Variants in SLC24A2 observed in about 807,000 individuals in gnomAD.
The protein encoded by SLC24A2 is solute carrier family 24 member 2, also known as sodium/potassium/calcium exchanger 2.
Under a neutral mutation model 62.0 loss-of-function variants are expected in SLC24A2, and 36 were observed. The observed-to-expected ratio is 0.58, with a 90% CI of 0.44 to 0.77. The LOEUF (loss-of-function observed/expected upper bound fraction) is 0.77, where lower values mean the gene tolerates loss of function less well. SLC24A2 is among the 30% of genes least tolerant of loss of function. The pLI is 0.00. For missense variants in SLC24A2, 846 were observed against 817.9 expected (o/e 1.03, Z -0.42); for synonymous variants, 358 against 294.0 (o/e 1.22, Z -2.23).
the SLC24A2 span, among the ~76,000 whole-genome samples, chr9:19,979,084 C>T: frequency 0.014 from 2,081 of 152,272 alleles, 54 homozygotes; most frequent in African/African-American, 0.048. Context: ...AATAAAATAA[C>T]GAGCCCAGTG....
At chr9:20,061,635 G>A in the SLC24A2 span, among the ~76,000 whole-genome samples, 3 of 152,152 alleles carry the variant, frequency 2.0e-5, no homozygotes, top group Admixed American at 6.5e-5. Context: ...ATGAGGAAAG[G>A]ATAGTCTTTT....
chr9:20,055,183 T>C, the SLC24A2 span, among the ~76,000 whole-genome samples: 1 of 152,234 alleles, frequency 6.6e-6, no homozygotes, highest in African/African-American at 2.4e-5. Flanking sequence ...ACTTTTACCA[T>C]CCCAGAATGA....
chr9:19,744,390 G>T (rs573571624), intron 2 of SLC24A2, among the ~76,000 whole-genome samples: 8 of 152,194 alleles, frequency 5.3e-5, no homozygotes, highest in African/African-American at 1.9e-4. Flanking sequence ...CAACACTCCA[G>T]CATCTTCAGT....
intron 5 of SLC24A2, among the ~76,000 whole-genome samples, chr9:19,578,618 T>C (rs933625937): frequency 6.6e-6 from 1 of 152,098 alleles, no homozygotes; most frequent in Non-Finnish European, 1.5e-5. Context: ...TTCTACTTTT[T>C]TATTTAGAAC....
chr9:20,239,661 G>A, the SLC24A2 span, among the ~76,000 whole-genome samples: 1 of 152,158 alleles, frequency 6.6e-6, no homozygotes. Context: ...AGAGACCCAG[G>A]ATCCATCATA....
the SLC24A2 span, among the ~76,000 whole-genome samples, chr9:20,242,183 C>A: frequency 6.6e-6 from 1 of 152,176 alleles, no homozygotes; most frequent in Non-Finnish European, 1.5e-5. Flanking sequence ...TTGACTAAAA[C>A]ACTCCTTTGC....
At chr9:19,876,799 C>G in the SLC24A2 span, among the ~76,000 whole-genome samples, 3 of 152,078 alleles carry the variant, frequency 2.0e-5, no homozygotes, top group South Asian at 6.3e-4. Context: ...ACAAGGGTTG[C>G]TAGAAGATTT....
At chr9:19,715,311 G>A (rs1160561354) in intron 2 of SLC24A2, among the ~76,000 whole-genome samples, 2 of 152,082 alleles carry the variant, frequency 1.3e-5, no homozygotes, top group Non-Finnish European at 2.9e-5. Context: ...TTGATACACT[G>A]ACAGGCAGAA....
chr9:20,261,985 G>C, the SLC24A2 span, among the ~76,000 whole-genome samples: 1 of 152,124 alleles, frequency 6.6e-6, no homozygotes, highest in Non-Finnish European at 1.5e-5. Flanking sequence ...TGATCCGCCT[G>C]CCTCGGCCTC....
chr9:19,519,713 T>C, intron 10 of SLC24A2, among the ~76,000 whole-genome samples: 1 of 152,152 alleles, frequency 6.6e-6, no homozygotes. Context: ...AGACAGTTTT[T>C]AGGGGCAAGA....
At position 19,550,215 on chromosome 9, in the gene SLC24A2, G is replaced by T. The variant is rs138143739; in HGVS notation, c.1401C>A (p.Thr467=). The T allele has an allele frequency of 6.1e-5, 98 of 1,614,124 alleles. No individual in the cohort carries two copies. In the African/African-American group the frequency reaches 1.1e-3, roughly 18 times the overall value. ...QPLSLAWPSE[T]RKQVTFLIVF... The stretch of plus-strand genomic sequence containing the variant: ...CAATCAGAAACGTGACTTGCTTGCG[G>T]GTTTCAGAAGGCCAGGCAAGGCTGA... Residue 467 remains threonine (T), a synonymous_variant, in exon 8 of 11, where the codon ACC becomes ACA. Transcript: ENST00000341998.
At chr9:19,953,184 G>T in the SLC24A2 span, among the ~76,000 whole-genome samples, 3 of 151,860 alleles carry the variant, frequency 2.0e-5, no homozygotes, top group Non-Finnish European at 4.4e-5. Context: ...GACTATAAGC[G>T]TAACGATTTC....
the SLC24A2 span, among the ~76,000 whole-genome samples, chr9:20,077,097 G>T: frequency 2.0e-5 from 3 of 151,770 alleles, no homozygotes; most frequent in South Asian, 6.2e-4. Context: ...TTAAAAAAAG[G>T]TTCAAATAGA....
chr9:20,168,468 T>G, the SLC24A2 span, among the ~76,000 whole-genome samples: 1 of 151,942 alleles, frequency 6.6e-6, no homozygotes, highest in South Asian at 2.1e-4. Context: ...TATCTGCTAA[T>G]TAATATCTAG....
chr9:20,152,027 C>T, the SLC24A2 span, among the ~76,000 whole-genome samples: 1 of 151,968 alleles, frequency 6.6e-6, no homozygotes, highest in Non-Finnish European at 1.5e-5. Context: ...TGTTATTCTT[C>T]ACCATCTCCC....
intron 2 of SLC24A2, among the ~76,000 whole-genome samples, chr9:19,714,158 C>G (rs1390381859): frequency 6.6e-6 from 1 of 152,216 alleles, no homozygotes; most frequent in East Asian, 1.9e-4. Context: ...ACACTGCTAT[C>G]CTTTTTAATA....
chr9:19,621,362 T>C (rs183778800), intron 3 of SLC24A2, among the ~76,000 whole-genome samples: 42 of 152,306 alleles, frequency 2.8e-4, no homozygotes, highest in African/African-American at 9.6e-4. Flanking sequence ...GGATCAGGTG[T>C]ATTCTATGGG....
At chr9:20,299,017 T>C in the SLC24A2 span, among the ~76,000 whole-genome samples, 70 of 152,216 alleles carry the variant, frequency 4.6e-4, no homozygotes, top group African/African-American at 1.7e-3. Flanking sequence ...GGTCGGGATG[T>C]ATATACAACA....
chr9:19,709,218 C>G (rs991742987), intron 2 of SLC24A2, among the ~76,000 whole-genome samples: 4 of 151,804 alleles, frequency 2.6e-5, no homozygotes, highest in African/African-American at 7.3e-5. Context: ...CCATCTCACA[C>G]CAGTTAGAAT....
Sources: allele counts gnomAD v4.1 joint callset (sites outside exome capture counted in the v4.1 genomes callset), GRCh38; gene constraint gnomAD v4.1.1; transcripts MANE v1.5; gene names NCBI Gene and HGNC (gene_info 2026-07-23, HGNC 2026-07-21).